The following OMG variants were observed in gnomAD, a reference collection of about 807,000 sequenced individuals.
OMG encodes the protein oligodendrocyte myelin glycoprotein.
In OMG, 9 loss-of-function variants were observed where a neutral mutation model predicts 26.2. The observed-to-expected ratio is 0.34, with a 90% CI of 0.21 to 0.60. The LOEUF (loss-of-function observed/expected upper bound fraction) is 0.60. Ranked by LOEUF, OMG falls within the 20% of genes least tolerant of loss-of-function variation. The pLI is 0.80. For missense variants in OMG, 402 were observed against 513.6 expected, an observed-to-expected ratio of 0.78 and a Z score of 2.10; for synonymous variants, 179 against 190.4, an observed-to-expected ratio of 0.94 and a Z score of 0.49.
intron 1 of OMG, chr17:31,296,548 TCTCC>T: frequency 1.8e-6 from 1 of 560,792 alleles, no homozygotes; most frequent in South Asian, 2.0e-5. Flanking sequence ...AGAGAGACTC[TCTCC>T]CTACTCTCTC....
rs949350384 is a variant in OMG, at chr17:31,295,795, C to G, written c.537G>C (p.Leu179Phe). Residue 179 changes from leucine to phenylalanine, a missense_variant, in exon 2 of 2, where the codon TTG (leucine) becomes TTC (phenylalanine). Physicochemically the swap from Leu to Phe is conservative, Grantham distance 22. This residue lies in a region of OMG where 90 missense variants were observed against 158.9 expected (regional missense o/e 0.57). Transcript: ENST00000247271. The part of the protein sequence containing the change: ...LHIVDLSNNS[L>F]TQILPGTLIN... ...TTAATGTACCTGGAAGAATTTGTGT[C>G]AAAGAATTATTAGACAGGTCCACGA... 11 of 1,613,976 alleles carry G rather than the reference C, an allele frequency of 6.8e-6. No individual in the cohort carries two copies. The Admixed American group carries it at 1.7e-4, about 24-fold the overall frequency.
In OMG at chr17:31,294,795, CTTAA is replaced by C. The variant is rs2068425750; in HGVS notation, c.*210_*213del. 12 of 599,786 alleles carry C rather than the reference CTTAA, an allele frequency of 2.0e-5. No homozygotes were observed. The highest frequency in any genetic ancestry group is 9.0e-5 in the Admixed American group (3 of 33,306). 37.2% of individuals were successfully genotyped at this position (599,786 alleles called of 1,614,324 possible). ...TTTATAAAAGAAACTCATTAGTTTA[CTTAA>C]TTAAGACAGTAAAATAGCAGCAAGT... On this transcript the variant is annotated 3_prime_UTR_variant, in exon 2 of 2. Coordinates refer to ENST00000247271, the MANE Select transcript of OMG (RefSeq NM_002544.5).
In OMG at chr17:31,294,925, C is replaced by G; in HGVS notation, c.*84G>C. 1 of 1,562,708 alleles carries G rather than the reference C, an allele frequency of 6.4e-7. No individual in the cohort carries two copies. Among genetic ancestry groups the G allele is most frequent in the Non-Finnish European group, 8.8e-7 (1 of 1,135,254 alleles). On this transcript the variant is annotated 3_prime_UTR_variant, in exon 2 of 2. Coordinates refer to ENST00000247271, the MANE Select transcript of OMG (RefSeq NM_002544.5). ...CTTTCTTGAATACTTAAATATAGCT[C>G]GAATCACTGGTTAGATATGGACATA...
rs759850130 is a variant in OMG, at chr17:31,295,884, C to T, written c.448G>A (p.Val150Ile). Residue 150 changes from valine to isoleucine, a missense_variant, in exon 2 of 2, where the codon GTT becomes ATT. Around this residue, in one of 3 missense-constraint regions of OMG, gnomAD observed 90 missense variants for 158.9 expected, o/e 0.57. Coordinates refer to ENST00000247271, the MANE Select transcript of OMG (RefSeq NM_002544.5). ...AGTTTGTTACTACTGAGGTTGAGAA[C>T]CTCGAGACTTCTTAGTGTATTTTTA... ...LIKNTLRSLEVLNLSSNKLWT... is the reference protein window; with the variant it reads ...LIKNTLRSLEILNLSSNKLWT... 3 of 1,613,986 alleles carry T rather than the reference C, an allele frequency of 1.9e-6. No individual in the cohort carries two copies. In the African/African-American group the frequency reaches 4.0e-5, roughly 22 times the overall value.
rs1421084166 is a variant in OMG, at chr17:31,295,405, T to C, written c.927A>G (p.Thr309=). 4 of 1,614,022 alleles carry C rather than the reference T, an allele frequency of 2.5e-6. No homozygotes were observed. Among genetic ancestry groups the C allele is most frequent in the Non-Finnish European group, 2.5e-6 (3 of 1,180,026 alleles). ...GAGTGGCACCAAACGTTGTTTCCTT[T>C]GTTCGATATTGTTTGGGTATTTTGG... The part of the protein sequence containing the change: ...KVTKIPKQYR[T]KETTFGATLS... The change falls in exon 2 of 2, where the codon ACA becomes ACG. Residue 309 remains threonine, a synonymous_variant. Transcript: ENST00000247271.
Position 31,296,016 on chromosome 17 carries a change from C to T in OMG, c.316G>A (p.Ala106Thr). ...AGAAGTTTAATGTTGTTGTTAGCAGCAGACATGTTCCACAGAGACCGAGGT... is the reference window on the plus strand; with the variant it reads ...AGAAGTTTAATGTTGTTGTTAGCAGTAGACATGTTCCACAGAGACCGAGGT... Reference protein sequence around the residue: ...HLPRSLWNMSAANNNIKLLDK... With the variant: ...HLPRSLWNMSTANNNIKLLDK... Residue 106 changes from alanine (A) to threonine (T), a missense_variant, in exon 2 of 2, where the codon GCT becomes ACT. Ala to Thr is a moderately conservative substitution (Grantham distance 58, BLOSUM62 0). This residue lies in a region of OMG where 90 missense variants were observed against 158.9 expected (regional missense o/e 0.57). Coordinates refer to ENST00000247271, the MANE Select transcript of OMG (RefSeq NM_002544.5). The T allele has an allele frequency of 2.5e-6, 4 of 1,614,100 alleles. No homozygotes were observed. The highest frequency in any genetic ancestry group is 3.4e-6 in the Non-Finnish European group (4 of 1,180,000).
In OMG at chr17:31,296,146, C is replaced by A; in HGVS notation, c.186G>T (p.Leu62=). Residue 62 remains leucine (L), a synonymous_variant, in exon 2 of 2, where the codon CTG becomes CTT. Coordinates refer to ENST00000247271, the MANE Select transcript of OMG (RefSeq NM_002544.5). The stretch of plus-strand genomic sequence containing the variant: ...GCAGATCAGTAAAGTGGTTATAAGA[C>A]AGGTTTAAATGTATAATATTCTCTT... ...GLQENIIHLN[L]SYNHFTDLHN... 6.2e-7 allele frequency: 1 copy of A among 1,610,710 alleles called. No individual in the cohort carries two copies. The highest frequency in any genetic ancestry group is 8.5e-7 in the Non-Finnish European group (1 of 1,177,840).
In OMG at chr17:31,295,982, G is replaced by T. The variant is rs1313347932; in HGVS notation, c.350C>A (p.Ser117Tyr). Residue 117 changes from serine (S) to tyrosine (Y), a missense_variant, in exon 2 of 2, where the codon TCT (serine) becomes TAT (tyrosine). Ser to Tyr is a moderately radical substitution (Grantham distance 144). Coordinates refer to ENST00000247271, the MANE Select transcript of OMG (RefSeq NM_002544.5). ...ANNNIKLLDKSDTAYQWNLKY... is the reference protein window; with the variant it reads ...ANNNIKLLDKYDTAYQWNLKY... ...AAGATTCCACTGATAAGCAGTATCA[G>T]ATTTGTCAAGAAGTTTAATGTTGTT... 1 of 1,614,146 alleles carries T rather than the reference G, an allele frequency of 6.2e-7. No homozygotes were observed. Among genetic ancestry groups the T allele is most frequent in the East Asian group, 2.2e-5 (1 of 44,888 alleles).
chr17:31,296,564 T>C, intron 1 of OMG: 1 of 527,214 alleles, frequency 1.9e-6, no homozygotes. Context: ...TACTCTCTCC[T>C]GCATTTTCTC....
rs1206708779 is a variant in OMG at position 31,297,184 on chromosome 17, C to T, written c.-35G>A. ...GGTGTCGTCTTCAACATCAGCATCT[C>T]ATTTTCTCTGGGAAACTTAAAGGTC... On this transcript the variant is annotated 5_prime_UTR_variant, in exon 1 of 2. The change abolishes an upstream ATG in the 5' untranslated region. Coordinates refer to ENST00000247271, the MANE Select transcript of OMG (RefSeq NM_002544.5). The T allele has an allele frequency of 6.6e-6, 1 of 152,224 alleles. No homozygotes were observed. The highest frequency in any genetic ancestry group is 2.4e-5 in the African/African-American group (1 of 41,436). The allele number at this position is 152,224 out of a possible 1,614,324, so 9.4% of individuals were successfully genotyped here.
chr17:31,295,876 G>A lies in OMG; in HGVS notation c.456C>T (p.Asn152=), dbSNP rs2068453653. The A allele has an allele frequency of 1.5e-5, 24 of 1,614,148 alleles. No individual in the cohort carries two copies. Among genetic ancestry groups the A allele is most frequent in the Non-Finnish European group, 1.9e-5 (23 of 1,180,006 alleles). The change falls in exon 2 of 2, where the codon AAC becomes AAT. Residue 152 remains asparagine (N), a synonymous_variant. Transcript: ENST00000247271. ...KNTLRSLEVL[N]LSSNKLWTVP... ...CTGTCCAAAGTTTGTTACTACTGAG[G>A]TTGAGAACCTCGAGACTTCTTAGTG...
Position 31,296,149 on chromosome 17 carries a change from G to A in OMG, c.183C>T (p.Asn61=), listed in dbSNP as rs1317710987. The A allele has an allele frequency of 6.2e-7, 1 of 1,611,560 alleles. No homozygotes were observed. The highest frequency in any genetic ancestry group is 8.5e-7 in the Non-Finnish European group (1 of 1,178,284). The change falls in exon 2 of 2, where the codon AAC becomes AAT. Residue 61 remains asparagine (N), a synonymous_variant. Coordinates refer to ENST00000247271, the MANE Select transcript of OMG (RefSeq NM_002544.5). ...GATCAGTAAAGTGGTTATAAGACAGGTTTAAATGTATAATATTCTCTTGCA... is the reference window on the plus strand; with the variant it reads ...GATCAGTAAAGTGGTTATAAGACAGATTTAAATGTATAATATTCTCTTGCA... ...SGLQENIIHL[N]LSYNHFTDLH... is the part of the protein sequence containing the mutation.
At chr17:31,296,447 T>C in intron 1 of OMG, 110 bp from the exon 2 acceptor site, 2 of 993,522 alleles carry the variant, frequency 2.0e-6, no homozygotes, top group Admixed American at 1.7e-5. Context: ...TGTTGTCGAG[T>C]CCTTTTATAA....
Position 31,296,028 on chromosome 17 carries a change from A to G in OMG, c.304T>C (p.Trp102Arg), listed in dbSNP as rs1010494908. 3.7e-6 allele frequency: 6 copies of G among 1,614,166 alleles called. No individual in the cohort carries two copies. The highest frequency in any genetic ancestry group is 5.1e-6 in the Non-Finnish European group (6 of 1,180,012). Residue 102 changes from tryptophan to arginine, a missense_variant, in exon 2 of 2, where the codon TGG becomes CGG. Around this residue, in one of 3 missense-constraint regions of OMG, gnomAD observed 90 missense variants for 158.9 expected, o/e 0.57. Coordinates refer to ENST00000247271, the MANE Select transcript of OMG (RefSeq NM_002544.5). ...TTGTTGTTAGCAGCAGACATGTTCC[A>G]CAGAGACCGAGGTAAGTGAGCAGGC... ...SLPAHLPRSL[W>R]NMSAANNNIK...
intron 1 of OMG, chr17:31,296,698 A>G (rs17883503): frequency 7.9e-6 from 2 of 253,090 alleles, no homozygotes; most frequent in South Asian, 5.2e-5. Context: ...GGCTATTACT[A>G]TTTTTGATGA....
chr17:31,295,244 G>T lies in OMG; in HGVS notation c.1088C>A (p.Thr363Lys). 1 of 1,614,098 alleles carries T rather than the reference G, an allele frequency of 6.2e-7. No individual in the cohort carries two copies. Among genetic ancestry groups the T allele is most frequent in the Non-Finnish European group, 8.5e-7 (1 of 1,180,002 alleles). Reference sequence around the variant, plus strand: ...TGTTGAGCTAGTGAGGCTTGTGTTTGTGACCATTCCATCTTGGAGATGAAT... The same window carrying T: ...TGTTGAGCTAGTGAGGCTTGTGTTTTTGACCATTCCATCTTGGAGATGAAT... Reference protein sequence around the residue: ...LTIHLQDGMVTNTSLTSSTKS... With the variant: ...LTIHLQDGMVKNTSLTSSTKS... The change falls in exon 2 of 2, where the codon ACA becomes AAA. Residue 363 changes from threonine (T) to lysine (K), a missense_variant. Physicochemically the swap from Thr to Lys is moderately conservative, Grantham distance 78. This residue lies in a region of OMG where 247 missense variants were observed against 274.7 expected (regional missense o/e 0.90). Transcript: ENST00000247271.
At position 31,295,816 on chromosome 17, in the gene OMG, C is replaced by T. The variant is rs777337623; in HGVS notation, c.516G>A (p.Val172=). 6.2e-7 allele frequency: 1 copy of T among 1,614,084 alleles called. No individual in the cohort carries two copies. Among genetic ancestry groups the T allele is most frequent in the Non-Finnish European group, 8.5e-7 (1 of 1,180,012 alleles). ...PTNMPSKLHI[V]DLSNNSLTQI... ...GTGTCAAAGAATTATTAGACAGGTC[C>T]ACGATATGTAGTTTGGAGGGCATGT... The change falls in exon 2 of 2, where the codon GTG becomes GTA. Residue 172 remains valine (V), a synonymous_variant. Transcript: ENST00000247271.
rs1311813991 is a variant in OMG, at chr17:31,295,744, A to G, written c.588T>C (p.Leu196=). 2 of 1,614,156 alleles carry G rather than the reference A, an allele frequency of 1.2e-6. No homozygotes were observed. The highest frequency in any genetic ancestry group is 3.3e-5 in the Admixed American group (2 of 60,014). The change falls in exon 2 of 2, where the codon CTT becomes CTC. Residue 196 remains leucine (L), a synonymous_variant. Transcript: ENST00000247271. ...ATGTGAACTTATTGTTGTGCAGGTA[A>G]AGATGTGTGAGATTTGTCAGGTTTA... The part of the protein sequence containing the change: ...TLINLTNLTH[L]YLHNNKFTFI...
rs764869940 is a variant in OMG, at chr17:31,295,393, CGTT to C, written c.936_938del (p.Thr313del). The C allele has an allele frequency of 9.3e-6, 15 of 1,613,950 alleles. No individual in the cohort carries two copies. The highest frequency in any genetic ancestry group is 1.3e-5 in the Non-Finnish European group (15 of 1,180,010). On this transcript the variant is annotated inframe_deletion, in exon 2 of 2. Transcript: ENST00000247271. ...TGTCTTTGCTTAGAGTGGCACCAAA[CGTT>C]GTTTCCTTTGTTCGATATTGTTTGG...
Sources: allele counts gnomAD v4.1 joint callset, GRCh38; gene constraint gnomAD v4.1.1; regional missense constraint gnomAD v4.1.1; transcripts MANE v1.5; gene names NCBI Gene and HGNC (gene_info 2026-07-23, HGNC 2026-07-21).